Variants in MAGI1 observed in about 807,000 individuals in gnomAD.
MAGI1 encodes the protein membrane-associated guanylate kinase, WW and PDZ domain-containing protein 1.
In MAGI1, 58 loss-of-function variants were observed where a neutral mutation model predicts 139.9. That is an observed-to-expected ratio of 0.41 (90% CI 0.34 to 0.52). MAGI1 has a LOEUF of 0.52. Among genes scored for constraint, MAGI1 ranks in the 20% least tolerant of loss-of-function variants. The pLI, the probability that MAGI1 is intolerant of heterozygous loss-of-function variation, is 0.12. For synonymous variants in MAGI1, 812 were observed against 737.9 expected, an observed-to-expected ratio of 1.10 and a Z score of -1.63; for missense variants, 1,874 against 1,901.6, an observed-to-expected ratio of 0.99 and a Z score of 0.27.
intron 12 of MAGI1, among the ~76,000 whole-genome samples, chr3:65,417,208 G>T (rs1178801421): frequency 6.6e-6 from 1 of 152,156 alleles, no homozygotes; most frequent in Non-Finnish European, 1.5e-5. Context: ...AGGAAGAATA[G>T]CTAATGAATG....
intron 6 of MAGI1, among the ~76,000 whole-genome samples, chr3:65,449,261 C>A (rs1948871991): frequency 6.6e-6 from 1 of 152,124 alleles, no homozygotes; most frequent in Non-Finnish European, 1.5e-5. Flanking sequence ...TACCCTAGAA[C>A]TTAAAGTATA....
At chr3:65,797,190 G>T (rs768633652) in intron 1 of MAGI1, among the ~76,000 whole-genome samples, 7 of 152,264 alleles carry the variant, frequency 4.6e-5, no homozygotes, top group Non-Finnish European at 1.0e-4. Flanking sequence ...AATTAGTGCA[G>T]ACAATGTAAG....
intron 1 of MAGI1, among the ~76,000 whole-genome samples, chr3:65,959,566 C>T (rs1385892510): frequency 6.6e-6 from 1 of 150,722 alleles, no homozygotes; most frequent in East Asian, 1.9e-4. Flanking sequence ...TACTAAGTAG[C>T]TGGGACTACA....
At chr3:65,853,080 T>C (rs1334896591) in intron 1 of MAGI1, among the ~76,000 whole-genome samples, 1 of 148,978 alleles carries the variant, frequency 6.7e-6, no homozygotes, top group African/African-American at 2.5e-5. Context: ...ACCCAGGAGG[T>C]GGAGGTTCCC....
chr3:65,942,015 G>A (rs1215121831), intron 1 of MAGI1, among the ~76,000 whole-genome samples: 1 of 152,116 alleles, frequency 6.6e-6, no homozygotes, highest in African/African-American at 2.4e-5. Flanking sequence ...TTGAACTCCT[G>A]GGCTCAAGTG....
chr3:65,985,408 G>C (rs2065829285), intron 1 of MAGI1, among the ~76,000 whole-genome samples: 1 of 152,158 alleles, frequency 6.6e-6, no homozygotes, highest in Non-Finnish European at 1.5e-5. Flanking sequence ...TGGACTTTGA[G>C]AGTTAGAATT....
Position 65,509,167 on chromosome 3 carries a change from G to GATTT in MAGI1, c.431-15537_431-15536insAAAT, listed in dbSNP as rs1553656709. On this transcript the variant is annotated intron_variant, in intron 2 of 22. Coordinates refer to ENST00000402939, the MANE Select transcript of MAGI1 (RefSeq NM_001033057.2). ...GAAGCTATTGCCTTGGCCTCCAATG[G>GATTT]GTTGTTTCAAAACAAAACAATCAAA... Among the ~76,000 whole-genome samples the GATTT allele has an allele frequency of 6.8e-4, 4 of 5,918 alleles. No homozygotes were observed. In the South Asian group the frequency reaches 0.22, roughly 329 times the overall value. 3.9% of individuals were successfully genotyped at this position (5,918 alleles called of 152,430 possible).
At chr3:65,810,422 G>C (rs958986707) in intron 1 of MAGI1, among the ~76,000 whole-genome samples, 3 of 152,218 alleles carry the variant, frequency 2.0e-5, no homozygotes, top group African/African-American at 7.2e-5. Context: ...GTTATTTTAA[G>C]ACAGACTGTT....
chr3:65,892,458 C>G (rs1000782825), intron 1 of MAGI1, among the ~76,000 whole-genome samples: 2 of 151,930 alleles, frequency 1.3e-5, no homozygotes, highest in African/African-American at 4.8e-5. Context: ...AGTGGCATAC[C>G]AACATTTTAT....
In MAGI1 at chr3:65,383,522, A is replaced by G. The variant is rs369898769; in HGVS notation, c.2508+10T>C. On this transcript the variant is annotated intron_variant, in intron 15 of 22. Coordinates refer to ENST00000402939, the MANE Select transcript of MAGI1 (RefSeq NM_001033057.2). Reference sequence around the variant, plus strand: ...AATATGCTGGGAAGAGAGACAAGCAAAAGACTCACAGGTTCCCCTGGTTCA... The same window carrying G: ...AATATGCTGGGAAGAGAGACAAGCAGAAGACTCACAGGTTCCCCTGGTTCA... 12 of 1,602,974 alleles carry G rather than the reference A, an allele frequency of 7.5e-6. No individual in the cohort carries two copies. In the African/African-American group the frequency reaches 1.2e-4, roughly 16 times the overall value.
intron 2 of MAGI1, among the ~76,000 whole-genome samples, chr3:65,561,920 C>T (rs2080371288): frequency 6.6e-6 from 1 of 152,122 alleles, no homozygotes; most frequent in South Asian, 2.1e-4. Context: ...CTCGTTCAAC[C>T]ACAGTTTGAC....
chr3:65,384,318 T>C (rs1461316348), intron 14 of MAGI1, among the ~76,000 whole-genome samples: 2 of 152,248 alleles, frequency 1.3e-5, no homozygotes, highest in Non-Finnish European at 2.9e-5. Context: ...AGACCTACAA[T>C]GGTTTTAGCT....
chr3:65,432,426 A>G (rs1011907194), intron 10 of MAGI1, among the ~76,000 whole-genome samples: 2 of 152,274 alleles, frequency 1.3e-5, no homozygotes, highest in South Asian at 2.1e-4. Context: ...GTTATATCTA[A>G]AAGAGTTTAA....
chr3:65,422,855 T>C (rs1163961361), intron 12 of MAGI1, among the ~76,000 whole-genome samples: 1 of 152,006 alleles, frequency 6.6e-6, no homozygotes, highest in African/African-American at 2.4e-5. Flanking sequence ...CAGAAGGAGA[T>C]GTAAGTGCTA....
chr3:65,908,108 A>G (rs996049291), intron 1 of MAGI1, among the ~76,000 whole-genome samples: 4 of 152,244 alleles, frequency 2.6e-5, no homozygotes, highest in African/African-American at 7.2e-5. Flanking sequence ...CCCTGAAGGA[A>G]AAGTTCTTAT....
chr3:65,372,413 A>C (rs1942089279), intron 18 of MAGI1, among the ~76,000 whole-genome samples: 1 of 152,192 alleles, frequency 6.6e-6, no homozygotes, highest in African/African-American at 2.4e-5. Context: ...GCTGTCATCC[A>C]GGCTTTGTTG....
At chr3:65,533,412 C>T (rs951378593) in intron 2 of MAGI1, among the ~76,000 whole-genome samples, 3 of 152,156 alleles carry the variant, frequency 2.0e-5, no homozygotes, top group Non-Finnish European at 4.4e-5. Flanking sequence ...GTTGTGTTTA[C>T]TTAGGAAGAA....
At chr3:65,615,786 T>C (rs1348095155) in intron 2 of MAGI1, among the ~76,000 whole-genome samples, 2 of 152,190 alleles carry the variant, frequency 1.3e-5, no homozygotes, top group Non-Finnish European at 2.9e-5. Flanking sequence ...TTTTTTAATT[T>C]GGCACAAAAC....
At position 65,379,556 on chromosome 3, in the gene MAGI1, T is replaced by C; in HGVS notation, c.2702-2A>G. The C allele has an allele frequency of 6.2e-7, 1 of 1,603,224 alleles. No homozygotes were observed. The highest frequency in any genetic ancestry group is 8.5e-7 in the Non-Finnish European group (1 of 1,171,254). On this transcript the variant is annotated splice_acceptor_variant, in intron 16 of 22. Transcript: ENST00000402939. LOFTEE classifies it high-confidence loss of function. ...GCACCTCGTTCTCGGTTTTGGGCAC[T>C]GTAGCAGAGAGATGCACGCGTACAT...
Sources: gnomAD v4.1 joint callset for allele counts (sites outside exome capture counted in the v4.1 genomes callset) on GRCh38, gnomAD v4.1.1 for gene constraint, MANE v1.5 for transcripts, NCBI Gene and HGNC (gene_info 2026-07-23, HGNC 2026-07-21) for gene names.